The following CDH12 variants were observed in gnomAD, a reference collection of about 807,000 sequenced individuals.
CDH12 encodes cadherin-12.
CDH12 carries 41 observed loss-of-function variants against 74.1 expected under a neutral mutation model. That is an observed-to-expected ratio of 0.55 (90% CI 0.43 to 0.72). The LOEUF is 0.72. Among genes scored for constraint, CDH12 ranks in the 30% least tolerant of loss-of-function variants. The pLI is 0.00. For synonymous variants in CDH12, 399 were observed against 355.0 expected (o/e 1.12, Z -1.39); for missense variants, 945 against 977.2 (o/e 0.97, Z 0.44).
At chr5:22,015,092 A>AAACTG (rs1737520626) in intron 5 of CDH12, among the ~76,000 whole-genome samples, 1 of 152,194 alleles carries the variant, frequency 6.6e-6, no homozygotes, top group African/African-American at 2.4e-5. Flanking sequence ...AAACAGGGAC[A>AAACTG]AACTGAGTGT....
At chr5:21,916,038 C>T (rs1754078675) in intron 6 of CDH12, among the ~76,000 whole-genome samples, 1 of 151,962 alleles carries the variant, frequency 6.6e-6, no homozygotes, top group Admixed American at 6.6e-5. Context: ...GGATCTGATT[C>T]ATGTTTCCAT....
At chr5:22,802,483 T>C (rs920141673) in intron 1 of CDH12, among the ~76,000 whole-genome samples, 10 of 152,136 alleles carry the variant, frequency 6.6e-5, no homozygotes, top group African/African-American at 2.2e-4. Flanking sequence ...TAGTAATAAA[T>C]AATTAGACTT....
intron 10 of CDH12, among the ~76,000 whole-genome samples, chr5:21,787,878 A>G (rs1746281152): frequency 6.6e-6 from 1 of 152,200 alleles, no homozygotes; most frequent in African/African-American, 2.4e-5. Context: ...TTTTCTGAAC[A>G]AGAAAGCATT....
intron 5 of CDH12, among the ~76,000 whole-genome samples, chr5:22,022,796 T>C (rs1256342632): frequency 6.6e-6 from 1 of 152,162 alleles, no homozygotes. Flanking sequence ...TCTCTTCTTC[T>C]GATATTCCAA....
chr5:21,908,401 C>T (rs185054635), intron 6 of CDH12, among the ~76,000 whole-genome samples: 7 of 152,244 alleles, frequency 4.6e-5, no homozygotes, highest in Admixed American at 2.6e-4. Flanking sequence ...GGCTCTTTTG[C>T]GGAGCTATGT....
chr5:22,122,978 C>T (rs1745614555), intron 4 of CDH12, among the ~76,000 whole-genome samples: 1 of 152,150 alleles, frequency 6.6e-6, no homozygotes, highest in African/African-American at 2.4e-5. Context: ...GGGTCTCTAG[C>T]CTGACAATTC....
chr5:22,725,111 C>G (rs918539203), intron 1 of CDH12, among the ~76,000 whole-genome samples: 1 of 151,740 alleles, frequency 6.6e-6, no homozygotes, highest in African/African-American at 2.4e-5. Flanking sequence ...TGAGAAAAAT[C>G]CGGATTTGAG....
At chr5:22,286,735 G>A (rs1294556635) in intron 3 of CDH12, among the ~76,000 whole-genome samples, 3 of 151,354 alleles carry the variant, frequency 2.0e-5, no homozygotes, top group Non-Finnish European at 2.9e-5. Context: ...CTTGCAGTCA[G>A]GGTTAACTCA....
chr5:22,396,035 A>G (rs531285981), intron 3 of CDH12, among the ~76,000 whole-genome samples: 2 of 149,042 alleles, frequency 1.3e-5, no homozygotes, highest in African/African-American at 4.9e-5. Flanking sequence ...ACAGAAGTTG[A>G]TTCATGATGA....
At chr5:22,126,556 T>C (rs762862028) in intron 4 of CDH12, among the ~76,000 whole-genome samples, 6 of 152,202 alleles carry the variant, frequency 3.9e-5, no homozygotes, top group Non-Finnish European at 8.8e-5. Context: ...ACACTTTGAG[T>C]AAAATATAAA....
At chr5:22,822,554 C>T (rs1162325638) in intron 1 of CDH12, among the ~76,000 whole-genome samples, 1 of 152,060 alleles carries the variant, frequency 6.6e-6, no homozygotes, top group Admixed American at 6.6e-5. Context: ...CAAACAACCC[C>T]ATCAAAAAGT....
At chr5:21,770,706 T>C (rs1375905084) in intron 11 of CDH12, among the ~76,000 whole-genome samples, 1 of 152,092 alleles carries the variant, frequency 6.6e-6, no homozygotes, top group South Asian at 2.1e-4. Flanking sequence ...AATCCCGTTA[T>C]TGGGTGCATA....
chr5:22,396,222 G>GT (rs1310342404), intron 3 of CDH12, among the ~76,000 whole-genome samples: 11 of 152,040 alleles, frequency 7.2e-5, no homozygotes, highest in Non-Finnish European at 1.3e-4. Context: ...TCTGTTCAGT[G>GT]TTTCTAGTGT....
intron 3 of CDH12, among the ~76,000 whole-genome samples, chr5:22,255,134 G>T (rs1753268349): frequency 6.6e-6 from 1 of 151,878 alleles, no homozygotes; most frequent in African/African-American, 2.4e-5. Flanking sequence ...GTGAGAACAT[G>T]TGATATTTAT....
At chr5:22,743,643 G>T (rs1231470193) in intron 1 of CDH12, among the ~76,000 whole-genome samples, 1 of 151,974 alleles carries the variant, frequency 6.6e-6, no homozygotes, top group East Asian at 1.9e-4. Flanking sequence ...TAGTTCCCAG[G>T]AGTTACACAT....
intron 2 of CDH12, among the ~76,000 whole-genome samples, chr5:22,406,434 C>T (rs1383227401): frequency 6.6e-6 from 1 of 152,012 alleles, no homozygotes; most frequent in Non-Finnish European, 1.5e-5. Context: ...TATTCCTCAG[C>T]TACAGTTTAC....
At chr5:22,460,206 T>C (rs1255276389) in intron 2 of CDH12, among the ~76,000 whole-genome samples, 1 of 152,206 alleles carries the variant, frequency 6.6e-6, no homozygotes, top group East Asian at 1.9e-4. Context: ...GTTTTACTTT[T>C]ACCTGTAATA....
At chr5:22,500,889 C>T (rs1039176827) in intron 2 of CDH12, among the ~76,000 whole-genome samples, 2 of 152,126 alleles carry the variant, frequency 1.3e-5, no homozygotes, top group Middle Eastern at 3.4e-3. Flanking sequence ...AGACCATAAC[C>T]AAGAATTCTC....
Position 22,743,260 on chromosome 5 carries a change from TTATATA to T in CDH12, c.-523+109792_-523+109797del, listed in dbSNP as rs71609778. Among the ~76,000 whole-genome samples, 4 of 90,422 alleles carry T rather than the reference TTATATA, an allele frequency of 4.4e-5. No homozygotes were observed. The Admixed American group carries it at 4.7e-4, about 11-fold the overall frequency. The allele number at this position is 90,422 out of a possible 152,430, so 59.3% of individuals were successfully genotyped here. On this transcript the variant is annotated intron_variant, in intron 1 of 14. Coordinates refer to ENST00000382254, the MANE Select transcript of CDH12 (RefSeq NM_004061.5). ...CTCAGCATCCATAATAGCATGGAGA[TTATATA>T]TATATATATATATATGTATATATAT...
Sources: allele counts gnomAD v4.1 joint callset (sites outside exome capture counted in the v4.1 genomes callset), GRCh38; gene constraint gnomAD v4.1.1; transcripts MANE v1.5; gene names NCBI Gene and HGNC (gene_info 2026-07-23, HGNC 2026-07-21).